The following GRHPR variants were observed in gnomAD, a reference collection of about 807,000 sequenced individuals.
The protein encoded by GRHPR is glyoxylate and hydroxypyruvate reductase.
A neutral mutation model predicts 36.8 loss-of-function variants in GRHPR; 35 were observed. That is an observed-to-expected ratio of 0.95 (90% CI 0.73 to 1.26). The LOEUF is 1.26. Ranked by LOEUF, GRHPR falls within the 50% of genes most tolerant of loss-of-function variation. GRHPR has a pLI of 0.00. For missense variants in GRHPR, 380 were observed against 435.0 expected, an observed-to-expected ratio of 0.87 and a Z score of 1.12; for synonymous variants, 179 against 181.0, an observed-to-expected ratio of 0.99 and a Z score of 0.09.
At chr9:37,434,122 T>C (rs900407568) in intron 8 of GRHPR, 6 of 371,462 alleles carry the variant, frequency 1.6e-5, no homozygotes, top group African/African-American at 1.3e-4. Context: ...AGTCAGGGCA[T>C]GAAGCTGCAG....
upstream of GRHPR, among the ~76,000 whole-genome samples, chr9:37,422,494 G>A (rs1395970738): frequency 6.6e-6 from 1 of 150,398 alleles, no homozygotes; most frequent in Non-Finnish European, 1.5e-5. Flanking sequence ...CCGGGGCCCT[G>A]ATTCCCCAGT....
In GRHPR at chr9:37,428,498, C is replaced by T. The variant is rs566239341; in HGVS notation, c.419C>T (p.Ser140Leu). The T allele has an allele frequency of 5.0e-6, 8 of 1,610,978 alleles. No homozygotes were observed. The East Asian group carries it at 8.9e-5, about 18-fold the overall frequency. The change falls in exon 5 of 9, where the codon TCG becomes TTG. Residue 140 changes from serine (S) to leucine (L), a missense_variant. Transcript: ENST00000318158. ...TCTCCCCTCAGTGGTGGCTGGACCT[C>T]GTGGAAGCCCCTCTGGCTGTGTGGC... ...IEEVKNGGWT[S>L]WKPLWLCGYG...
Position 37,429,837 on chromosome 9 carries a change from G to A in GRHPR, c.598+1G>A. 1 of 1,537,482 alleles carries A rather than the reference G, an allele frequency of 6.5e-7. No homozygotes were observed. The highest frequency in any genetic ancestry group is 9.0e-7 in the Non-Finnish European group (1 of 1,109,768). ...GCAGCAGAATTCCAGGCAGAGTTTGGTAAGTGAAGCCTTGATTTCCACAGG... is the reference window on the plus strand; with the variant it reads ...GCAGCAGAATTCCAGGCAGAGTTTGATAAGTGAAGCCTTGATTTCCACAGG... On this transcript the variant is annotated splice_donor_variant, in intron 6 of 8. Transcript: ENST00000318158. LOFTEE classifies it high-confidence loss of function.
At chr9:37,435,367 T>C (rs1823592248) in intron 8 of GRHPR, among the ~76,000 whole-genome samples, 1 of 152,224 alleles carries the variant, frequency 6.6e-6, no homozygotes, top group African/African-American at 2.4e-5. Flanking sequence ...TTGGTTTCCA[T>C]GTTGGCATTC....
intron 7 of GRHPR, chr9:37,431,635 G>A (rs1289416567): frequency 3.6e-6 from 1 of 278,786 alleles, no homozygotes; most frequent in African/African-American, 2.2e-5. Flanking sequence ...ACACTTGGAT[G>A]GGGCCTAACA....
At chr9:37,431,860 C>G (rs537203662) in intron 7 of GRHPR, 148 bp from the exon 8 acceptor site, 1 of 791,576 alleles carries the variant, frequency 1.3e-6, no homozygotes, top group South Asian at 1.6e-5. Flanking sequence ...ATAAGACTTA[C>G]AGACATACTG....
chr9:37,423,348 T>C (rs1315682593), intron 1 of GRHPR, among the ~76,000 whole-genome samples: 2 of 151,638 alleles, frequency 1.3e-5, no homozygotes, highest in Non-Finnish European at 2.9e-5. Context: ...TCTGATTTTT[T>C]TTTTGTAGAG....
intron 6 of GRHPR, 46 bp from the exon 7 acceptor site, chr9:37,430,465 C>T (rs368764298): frequency 1.1e-5 from 18 of 1,580,930 alleles, no homozygotes; most frequent in Non-Finnish European, 1.6e-5. Flanking sequence ...ATCTGGTTGT[C>T]CCTAGCCTGG....
intron 2 of GRHPR, 150 bp downstream of exon 2, chr9:37,425,125 C>A (rs1366165451): frequency 2.6e-6 from 2 of 771,630 alleles, no homozygotes; most frequent in Admixed American, 4.6e-5. Context: ...ATAGCTTGCT[C>A]TGGCACAGGC....
At chr9:37,432,490 C>G in intron 8 of GRHPR, 1 of 322,002 alleles carries the variant, frequency 3.1e-6, no homozygotes, top group South Asian at 2.7e-5. Context: ...CCAACCTGGC[C>G]GATATGGTGA....
At chr9:37,434,993 T>TATAATCCCAGCACTTTAGGAGGC (rs1403829133) in intron 8 of GRHPR, 1 of 152,294 alleles carries the variant, frequency 6.6e-6, no homozygotes, top group African/African-American at 2.4e-5. Context: ...GGCTCACGCC[T>TATAATCCCAGCACTTTAGGAGGC]ATAATCCCAG....
downstream of GRHPR, chr9:37,437,047 A>G (rs986254639): frequency 1.1e-4 from 45 of 422,436 alleles, no homozygotes; most frequent in Non-Finnish European, 1.7e-4. Flanking sequence ...GGGCATGGTG[A>G]CGCACCCCTA....
At chr9:37,424,523 C>A (rs528849765) in intron 1 of GRHPR, among the ~76,000 whole-genome samples, 1 of 152,378 alleles carries the variant, frequency 6.6e-6, no homozygotes, top group East Asian at 1.9e-4. Context: ...CCCTGCCCCC[C>A]ACGGGCCTTC....
intron 1 of GRHPR, among the ~76,000 whole-genome samples, chr9:37,423,421 C>T (rs2118853251): frequency 6.6e-6 from 1 of 152,064 alleles, no homozygotes; most frequent in South Asian, 2.1e-4. Flanking sequence ...AATCCTCTTG[C>T]CTCAGCCTCC....
At chr9:37,429,493 G>C in intron 5 of GRHPR, 1 of 577,746 alleles carries the variant, frequency 1.7e-6, no homozygotes. Flanking sequence ...GCATCAGCCA[G>C]TCACAGCCTC....
chr9:37,429,766 T>C lies in GRHPR; in HGVS notation c.528T>C (p.Gly176=). The part of the protein sequence containing the change: ...QAIARRLKPF[G]VQRFLYTGRQ... The stretch of plus-strand genomic sequence containing the variant: ...TTGCTCGGCGTCTGAAACCATTCGG[T>C]GTCCAGAGATTTCTGTACACAGGGC... Residue 176 remains glycine (G), a synonymous_variant, in exon 6 of 9, where the codon GGT becomes GGC. Coordinates refer to ENST00000318158, the MANE Select transcript of GRHPR (RefSeq NM_012203.2). The C allele has an allele frequency of 1.2e-6, 2 of 1,613,622 alleles. No individual in the cohort carries two copies. The highest frequency in any genetic ancestry group is 1.7e-6 in the Non-Finnish European group (2 of 1,179,476).
Position 37,426,608 on chromosome 9 carries a change from C to G in GRHPR, c.358C>G (p.Leu120Val). 6.2e-7 allele frequency: 1 copy of G among 1,613,888 alleles called. No homozygotes were observed. The highest frequency in any genetic ancestry group is 8.5e-7 in the Non-Finnish European group (1 of 1,179,758). ...TTAELAVSLL[L>V]TTCRRLPEAI... ...CGCCGAACTCGCAGTCTCCCTGCTA[C>G]TTACCACCTGCCGCCGGTTGCCGGA... The change falls in exon 4 of 9, where the codon CTT becomes GTT. Residue 120 changes from leucine (L) to valine (V), a missense_variant. Leu to Val is a conservative substitution (Grantham distance 32). Transcript: ENST00000318158.
intron 3 of GRHPR, 72 bp from the exon 4 acceptor site, chr9:37,426,466 G>A (rs1588752367): frequency 9.9e-7 from 1 of 1,005,500 alleles, no homozygotes; most frequent in East Asian, 2.4e-5. Flanking sequence ...GTAACTCCAT[G>A]GAAATGTCCC....
chr9:37,430,723 C>T (rs763806805), intron 7 of GRHPR, 77 bp downstream of exon 7: 57 of 1,415,472 alleles, frequency 4.0e-5, no homozygotes, highest in African/African-American at 1.1e-4. Flanking sequence ...TTTTCTTCCC[C>T]GTGGGTTGTT....
Sources: allele counts gnomAD v4.1 joint callset (sites outside exome capture counted in the v4.1 genomes callset), GRCh38; gene constraint gnomAD v4.1.1; transcripts MANE v1.5; gene names NCBI Gene and HGNC (gene_info 2026-07-23, HGNC 2026-07-21).